NAV3: variants seen among roughly 807,000 people sequenced by gnomAD.
NAV3 encodes the protein neuron navigator 3.
NAV3 carries 87 observed loss-of-function variants against 244.7 expected under a neutral mutation model. That is an observed-to-expected ratio of 0.36 (90% CI 0.30 to 0.42). The LOEUF is 0.42. Ranked by LOEUF, NAV3 falls within the 20% of genes least tolerant of loss-of-function variation. NAV3 has a pLI of 1.00. For missense variants in NAV3, 2,663 were observed against 2,893.3 expected (o/e 0.92, Z 1.83); for synonymous variants, 1,126 against 1,042.2 (o/e 1.08, Z -1.55).
chr12:78,187,621 C>T (rs975034624), intron 31 of NAV3, among the ~76,000 whole-genome samples: 7 of 151,858 alleles, frequency 4.6e-5, no homozygotes, highest in Middle Eastern at 3.4e-3. Context: ...TTTGATGAAA[C>T]GAATCCTGTA....
intron 2 of NAV3, among the ~76,000 whole-genome samples, chr12:77,662,788 C>T (rs1029927066): frequency 6.6e-6 from 1 of 151,938 alleles, no homozygotes; most frequent in Non-Finnish European, 1.5e-5. Context: ...GCTACTTAGA[C>T]AATGTGCAGA....
intron 3 of NAV3, among the ~76,000 whole-genome samples, chr12:77,956,488 C>T: frequency 6.6e-6 from 1 of 152,102 alleles, no homozygotes; most frequent in East Asian, 1.9e-4. Context: ...AGGTATTATA[C>T]CTGCTATCTG....
At chr12:77,763,355 TTAGCAC>T in intron 2 of NAV3, among the ~76,000 whole-genome samples, 1 of 152,322 alleles carries the variant, frequency 6.6e-6, no homozygotes, top group Middle Eastern at 3.4e-3. Context: ...TTCCTCACTG[TTAGCAC>T]AGAACCTGCT....
At chr12:78,095,075 A>ATATATATATG (rs1566123706) in intron 12 of NAV3, among the ~76,000 whole-genome samples, 38 of 146,982 alleles carry the variant, frequency 2.6e-4, no homozygotes, top group East Asian at 2.4e-3. Flanking sequence ...ACACACACAC[A>ATATATATATG]CACACACACA....
chr12:77,948,719 A>G (rs1428020374), intron 3 of NAV3, among the ~76,000 whole-genome samples: 1 of 75,378 alleles, frequency 1.3e-5, no homozygotes, highest in Non-Finnish European at 2.6e-5. Context: ...ATTATCACTT[A>G]CAATAATCAG....
intron 2 of NAV3, among the ~76,000 whole-genome samples, chr12:77,645,833 A>G (rs898716791): frequency 6.6e-6 from 1 of 152,078 alleles, no homozygotes; most frequent in Non-Finnish European, 1.5e-5. Context: ...GGGAAAGCTC[A>G]GTTTTGAGGA....
intron 8 of NAV3, among the ~76,000 whole-genome samples, chr12:78,014,213 G>A (rs1249419734): frequency 6.6e-6 from 1 of 152,088 alleles, no homozygotes; most frequent in Admixed American, 6.6e-5. Context: ...CTTACCCAGA[G>A]TTATGCTGTT....
At chr12:77,699,281 G>A (rs1329227474) in intron 2 of NAV3, among the ~76,000 whole-genome samples, 10 of 152,050 alleles carry the variant, frequency 6.6e-5, no homozygotes, top group African/African-American at 1.4e-4. Flanking sequence ...ACGTTTGTGC[G>A]TTATTCTCAA....
chr12:77,918,172 C>T (rs578183378), intron 1 of NAV3, among the ~76,000 whole-genome samples: 12 of 152,084 alleles, frequency 7.9e-5, no homozygotes, highest in African/African-American at 9.7e-5. Context: ...TCCCTCTGGA[C>T]GCTGAGGATT....
At chr12:78,178,664 A>G (rs1270575804) in intron 28 of NAV3, among the ~76,000 whole-genome samples, 1 of 152,152 alleles carries the variant, frequency 6.6e-6, no homozygotes, top group Non-Finnish European at 1.5e-5. Flanking sequence ...GACAACAACT[A>G]GCATAGAACT....
chr12:77,683,458 G>C (rs1874565709), intron 2 of NAV3, among the ~76,000 whole-genome samples: 1 of 151,830 alleles, frequency 6.6e-6, no homozygotes, highest in South Asian at 2.1e-4. Flanking sequence ...GTAATATGAT[G>C]GCTCCAGCTT....
intron 26 of NAV3, 133 bp from the exon 27 acceptor site, chr12:78,177,008 G>T (rs531473923): frequency 2.3e-5 from 18 of 782,286 alleles, no homozygotes; most frequent in Non-Finnish European, 3.6e-5. Context: ...ATACTGTGCT[G>T]CAATTGTTAA....
chr12:77,905,253 G>A (rs879855234), intron 1 of NAV3, among the ~76,000 whole-genome samples: 1 of 151,994 alleles, frequency 6.6e-6, no homozygotes, highest in Non-Finnish European at 1.5e-5. Flanking sequence ...AAAATATATT[G>A]CCTCTGTATT....
At chr12:77,822,478 T>G (rs1248395421) in intron 2 of NAV3, among the ~76,000 whole-genome samples, 1 of 152,120 alleles carries the variant, frequency 6.6e-6, no homozygotes, top group Non-Finnish European at 1.5e-5. Flanking sequence ...TATGCATCCA[T>G]TTTTTTCTGA....
At chr12:78,026,915 T>A (rs916968648) in intron 9 of NAV3, among the ~76,000 whole-genome samples, 1 of 152,216 alleles carries the variant, frequency 6.6e-6, no homozygotes, top group Admixed American at 6.5e-5. Flanking sequence ...ATAGGACTTA[T>A]ATCTTTGGCT....
At chr12:77,730,381 G>A (rs958212780) in intron 2 of NAV3, among the ~76,000 whole-genome samples, 3 of 151,596 alleles carry the variant, frequency 2.0e-5, no homozygotes, top group East Asian at 3.9e-4. Flanking sequence ...ATGAAAACAC[G>A]TGATTCCGGA....
chr12:77,749,972 T>C (rs1868757860), intron 2 of NAV3, among the ~76,000 whole-genome samples: 1 of 152,194 alleles, frequency 6.6e-6, no homozygotes, highest in African/African-American at 2.4e-5. Context: ...TAGAGAGATA[T>C]ATTTCAGGTG....
chr12:78,013,818 G>A lies in NAV3; in HGVS notation c.1907+6373G>A, dbSNP rs144717579. Among the ~76,000 whole-genome samples, 375 of 152,156 alleles carry A rather than the reference G, an allele frequency of 2.5e-3. 3 individuals carry two copies. Among genetic ancestry groups the A allele is most frequent in the African/African-American group, 8.2e-3 (342 of 41,528 alleles). ...TTTCTTAGGTTTGTTAAATCTCGAA[G>A]GAGGTTCCAGTTATTGGAAGAAAAG... On this transcript the variant is annotated intron_variant, in intron 8 of 39. Transcript: ENST00000397909.
intron 12 of NAV3, among the ~76,000 whole-genome samples, chr12:78,107,001 T>A (rs1954835108): frequency 6.6e-6 from 1 of 152,112 alleles, no homozygotes; most frequent in African/African-American, 2.4e-5. Context: ...CACACACCCA[T>A]AATCAAAGCC....
Sources: gnomAD v4.1 joint callset for allele counts (sites outside exome capture counted in the v4.1 genomes callset) on GRCh38, gnomAD v4.1.1 for gene constraint, MANE v1.5 for transcripts, NCBI Gene and HGNC (gene_info 2026-07-23, HGNC 2026-07-21) for gene names.